Variants in ANK2 observed in about 807,000 individuals in gnomAD.
ANK2 encodes ankyrin 2, also known as ankyrin-2.
A neutral mutation model predicts 360.5 loss-of-function variants in ANK2; 83 were observed. The observed-to-expected ratio is 0.23, with a 90% CI of 0.19 to 0.28. The LOEUF is 0.28. Ranked by LOEUF, ANK2 falls within the 10% of genes least tolerant of loss-of-function variation. The pLI is 1.00. For missense variants in ANK2, 4,201 were observed against 4,795.7 expected (o/e 0.88, Z 3.66); for synonymous variants, 1,740 against 1,759.5 (o/e 0.99, Z 0.28).
chr4:113,333,131 A>G lies in ANK2; in HGVS notation c.3302A>G (p.Asn1101Ser). 1 of 1,614,226 alleles carries G rather than the reference A, an allele frequency of 6.2e-7. No homozygotes were observed. Among genetic ancestry groups the G allele is most frequent in the Non-Finnish European group, 8.5e-7 (1 of 1,180,042 alleles). ...ERELVVLRSE[N>S]GDSWKEHFCD... ...GAACTGGTGGTCCTGCGCAGTGAGA[A>G]TGGGGACAGCTGGAAAGAGCATTTC... The change falls in exon 29 of 46, where the codon AAT (asparagine) becomes AGT (serine). Residue 1101 changes from asparagine to serine, a missense_variant. Asn to Ser is a conservative substitution (Grantham distance 46). Transcript: ENST00000357077.
rs786205719 is a variant in ANK2, at chr4:113,242,145, G to C, written c.827G>C (p.Arg276Thr). Reference protein sequence around the residue: ...GITPLHVASKRGNTNMVKLLL... With the variant: ...GITPLHVASKTGNTNMVKLLL... Reference sequence around the variant, plus strand: ...ACTCCTCTGCATGTGGCTTCCAAAAGAGGAAATACAAACATGGTGAAGCTC... The same window carrying C: ...ACTCCTCTGCATGTGGCTTCCAAAACAGGAAATACAAACATGGTGAAGCTC... The change falls in exon 9 of 46, where the codon AGA becomes ACA. Residue 276 changes from arginine to threonine, a missense_variant. Physicochemically the swap from Arg to Thr is moderately conservative, Grantham distance 71. This residue lies in a region of ANK2 where 122 missense variants were observed against 239.3 expected (regional missense o/e 0.51). Transcript: ENST00000357077. The C allele has an allele frequency of 6.2e-7, 1 of 1,614,028 alleles. No individual in the cohort carries two copies. Among genetic ancestry groups the C allele is most frequent in the Non-Finnish European group, 8.5e-7 (1 of 1,179,948 alleles).
chr4:112,712,682 C>T, the ANK2 span, among the ~76,000 whole-genome samples: 1 of 152,020 alleles, frequency 6.6e-6, no homozygotes, highest in Admixed American at 6.6e-5. Flanking sequence ...GCTGGGATTA[C>T]AGGCATGAGC....
chr4:113,313,975 C>A (rs1285078044), intron 24 of ANK2, among the ~76,000 whole-genome samples: 3 of 152,196 alleles, frequency 2.0e-5, no homozygotes, highest in African/African-American at 7.2e-5. Context: ...ACAATCACTG[C>A]TGCACCTGTG....
At chr4:112,838,816 T>C (rs2882821) in intron 1 of ANK2, among the ~76,000 whole-genome samples, 110,868 of 152,176 alleles carry the variant, frequency 0.73, 41,304 homozygotes, top group East Asian at 0.97. Flanking sequence ...TTGCCGTGAG[T>C]CGAGATTGTG....
At chr4:112,743,842 G>A in the ANK2 span, among the ~76,000 whole-genome samples, 3 of 151,190 alleles carry the variant, frequency 2.0e-5, no homozygotes, top group African/African-American at 7.3e-5. Context: ...ACCATGCCTG[G>A]CCTCTTTTAT....
chr4:113,345,235 T>C (rs1164079392), intron 34 of ANK2, among the ~76,000 whole-genome samples: 3 of 152,130 alleles, frequency 2.0e-5, no homozygotes, highest in Admixed American at 6.6e-5. Flanking sequence ...GTTCCTAGAA[T>C]AGGCAAACGT....
intron 1 of ANK2, among the ~76,000 whole-genome samples, chr4:113,112,875 T>A (rs2094440223): frequency 6.6e-6 from 1 of 152,206 alleles, no homozygotes; most frequent in African/African-American, 2.4e-5. Flanking sequence ...CCTTTGGGCA[T>A]TCTCATTTTA....
intron 17 of ANK2, 110 bp downstream of exon 17, chr4:113,278,668 C>A (rs553704385): frequency 8.4e-6 from 9 of 1,073,018 alleles, no homozygotes; most frequent in Admixed American, 1.9e-5. Context: ...CTAGTCCTAG[C>A]GATAGTAGCT....
chr4:112,813,101 G>T (rs1578919840), upstream of ANK2, among the ~76,000 whole-genome samples: 1 of 152,002 alleles, frequency 6.6e-6, no homozygotes, highest in African/African-American at 2.4e-5. Flanking sequence ...AGCTGGGCAT[G>T]GTGGCATGCA....
the ANK2 span, among the ~76,000 whole-genome samples, chr4:112,791,376 A>T: frequency 6.6e-6 from 1 of 152,166 alleles, no homozygotes; most frequent in Non-Finnish European, 1.5e-5. Context: ...ACATATTCGT[A>T]AAAAGGTTTC....
intron 1 of ANK2, chr4:112,826,273 G>A (rs537857523): frequency 1.4e-4 from 74 of 515,740 alleles, no homozygotes; most frequent in African/African-American, 1.4e-3. Context: ...TTACTATTTT[G>A]ACTATAAATT....
intron 30 of ANK2, 70 bp from the exon 31 acceptor site, chr4:113,336,507 G>A (rs1009881293): frequency 1.5e-6 from 2 of 1,356,488 alleles, no homozygotes; most frequent in Non-Finnish European, 2.0e-6. Flanking sequence ...TTGAAATTAA[G>A]TATAATGATT....
chr4:113,205,457 T>C (rs953856120), intron 4 of ANK2, among the ~76,000 whole-genome samples: 1 of 152,164 alleles, frequency 6.6e-6, no homozygotes, highest in African/African-American at 2.4e-5. Flanking sequence ...ATTTTTGATA[T>C]CTCACTGAAA....
chr4:113,002,262 C>T (rs2051015062), intron 2 of ANK2, among the ~76,000 whole-genome samples: 2 of 152,108 alleles, frequency 1.3e-5, no homozygotes, highest in South Asian at 2.1e-4. Flanking sequence ...CACATGCACA[C>T]GTATGTTTAT....
At chr4:113,147,181 A>AT (rs747013012) in intron 1 of ANK2, among the ~76,000 whole-genome samples, 7 of 152,194 alleles carry the variant, frequency 4.6e-5, no homozygotes, top group Non-Finnish European at 8.8e-5. Context: ...AGAAAAAAAA[A>AT]GGTGGGGAGG....
intron 2 of ANK2, among the ~76,000 whole-genome samples, chr4:112,995,221 C>T (rs1348155132): frequency 2.6e-5 from 4 of 152,192 alleles, no homozygotes; most frequent in East Asian, 1.9e-4. Context: ...AATTTACATT[C>T]CCACTAATAG....
At chr4:112,744,420 C>A in the ANK2 span, among the ~76,000 whole-genome samples, 4 of 151,130 alleles carry the variant, frequency 2.6e-5, no homozygotes, top group African/African-American at 9.8e-5. Context: ...GACCTCGGCT[C>A]ACTGTAGCCC....
rs143469039 is a variant in ANK2 at position 113,355,259 on chromosome 4, C to T, written c.6641C>T (p.Pro2214Leu). 48 of 1,613,976 alleles carry T rather than the reference C, an allele frequency of 3.0e-5. 1 individual carries two copies. The East Asian group carries it at 5.6e-4, about 19-fold the overall frequency. Residue 2214 changes from proline to leucine, a missense_variant, in exon 38 of 46, where the codon CCG becomes CTG. Pro to Leu is a moderately conservative substitution (Grantham distance 98). Transcript: ENST00000357077. ...AAGAATGAGGGGGTAGCCGGCTCTC[C>T]GTGTGGCAGCCTGATGGAGGGGACC... is the stretch of plus-strand genomic sequence containing the variant. ...SLKNEGVAGS[P>L]CGSLMEGTPQ...
chr4:112,731,138 T>TA, the ANK2 span, among the ~76,000 whole-genome samples: 14 of 143,914 alleles, frequency 9.7e-5, no homozygotes, highest in South Asian at 2.2e-4. Context: ...AGACTCTGTC[T>TA]AAAAAAAAAA....
Sources: gnomAD v4.1 joint callset for allele counts (sites outside exome capture counted in the v4.1 genomes callset) on GRCh38, gnomAD v4.1.1 for gene constraint, gnomAD v4.1.1 regional missense constraint, MANE v1.5 for transcripts, NCBI Gene and HGNC (gene_info 2026-07-23, HGNC 2026-07-21) for gene names.